Variants in DYSF observed in about 807,000 individuals in gnomAD.
DYSF encodes dystrophy-associated fer-1-like 1.
In DYSF, 212 loss-of-function variants were observed where a neutral mutation model predicts 274.9. That is an observed-to-expected ratio of 0.77 (90% CI 0.69 to 0.86). DYSF has a LOEUF of 0.86. Among genes scored for constraint, DYSF ranks in the 40% least tolerant of loss-of-function variants. DYSF has a pLI of 0.00. For synonymous variants in DYSF, 1,091 were observed against 1,078.7 expected (o/e 1.01, Z -0.22); for missense variants, 2,666 against 2,783.2 (o/e 0.96, Z 0.95).
chr2:71,566,577 G>C (rs184545350), intron 24 of DYSF, among the ~76,000 whole-genome samples: 51 of 152,016 alleles, frequency 3.4e-4, no homozygotes, highest in African/African-American at 1.2e-3. Flanking sequence ...TTTATTTGCT[G>C]TTGCTATTTT....
chr2:71,516,187 T>A lies in DYSF; in HGVS notation c.896T>A (p.Phe299Tyr). Residue 299 changes from phenylalanine (F) to tyrosine (Y), a missense_variant, in exon 9 of 56, where the codon TTC (phenylalanine) becomes TAC (tyrosine). Phe to Tyr is a conservative substitution (Grantham distance 22). This residue lies in a region of DYSF where 794 missense variants were observed against 777.1 expected (regional missense o/e 1.02). Transcript: ENST00000410020. Reference protein sequence around the residue: ...GNSPLFNETLFFNLFDSPGEL... With the variant: ...GNSPLFNETLYFNLFDSPGEL... ...TTTGCTCTGAACCAACAGACTCTTT[T>A]CTTCAACTTGTTTGACTCTCCTGGG... The A allele has an allele frequency of 6.2e-7, 1 of 1,614,200 alleles. No individual in the cohort carries two copies. Among genetic ancestry groups the A allele is most frequent in the Non-Finnish European group, 8.5e-7 (1 of 1,180,028 alleles).
intron 32 of DYSF, among the ~76,000 whole-genome samples, chr2:71,595,329 C>T (rs2093376276): frequency 6.6e-6 from 1 of 152,196 alleles, no homozygotes; most frequent in Non-Finnish European, 1.5e-5. Context: ...CCCACCCTCT[C>T]TGAAGGGCCC....
intron 40 of DYSF, among the ~76,000 whole-genome samples, chr2:71,619,520 T>C (rs1261551763): frequency 6.6e-6 from 1 of 152,122 alleles, no homozygotes; most frequent in Non-Finnish European, 1.5e-5. Flanking sequence ...AGGATCTTCC[T>C]GTTGAGGAAG....
intron 34 of DYSF, 73 bp downstream of exon 34, chr2:71,600,915 C>T: frequency 6.3e-7 from 1 of 1,591,810 alleles, no homozygotes; most frequent in Non-Finnish European, 8.5e-7. Flanking sequence ...CTGTGGGAGC[C>T]TGGAACACCT....
intron 40 of DYSF, among the ~76,000 whole-genome samples, chr2:71,618,632 T>C (rs796489108): frequency 9.4e-6 from 1 of 106,584 alleles, no homozygotes; most frequent in African/African-American, 3.2e-5. Context: ...GGTGTGTGTG[T>C]TACAGGAGGT....
rs770860759 is a variant in DYSF, at chr2:71,561,756, C to T, written c.2221C>T (p.Pro741Ser). 3 of 1,614,154 alleles carry T rather than the reference C, an allele frequency of 1.9e-6. No individual in the cohort carries two copies. In the Admixed American group the frequency reaches 5.0e-5, roughly 27 times the overall value. ...TDELIAGCSQ[P>S]LGDIHETPSA... The stretch of plus-strand genomic sequence containing the variant: ...CCATCTGTCCGTCCCTCACAGCCAG[C>T]CTCTGGGTGACATCCATGAGACACC... The change falls in exon 23 of 56, where the codon CCT (proline) becomes TCT (serine). Residue 741 changes from proline (P) to serine (S), a missense_variant. By Grantham distance (74) the Pro-to-Ser change is moderately conservative (BLOSUM62 -1). Around this residue, in one of 3 missense-constraint regions of DYSF, gnomAD observed 412 missense variants for 504.0 expected, o/e 0.82. Coordinates refer to ENST00000410020, the MANE Select transcript of DYSF (RefSeq NM_001130987.2).
At chr2:71,666,845 T>G (rs867198699) in intron 47 of DYSF, among the ~76,000 whole-genome samples, 4 of 152,224 alleles carry the variant, frequency 2.6e-5, no homozygotes, top group Non-Finnish European at 5.9e-5. Context: ...GCTTCTAGGA[T>G]CCTCATGAAG....
intron 39 of DYSF, 43 bp downstream of exon 39, chr2:71,612,849 C>G (rs767549719): frequency 1.9e-6 from 3 of 1,587,978 alleles, no homozygotes; most frequent in African/African-American, 2.7e-5. Context: ...GAAGGGGGAG[C>G]CTCAGGGCCA....
Position 71,539,765 on chromosome 2 carries a change from T to C in DYSF, c.1576+526T>C, listed in dbSNP as rs372767946. ...TATATGTCTGTACATGCATGGAAGA[T>C]GTGTGTATTTAATACATGGGTATGT... is the stretch of plus-strand genomic sequence containing the variant. On this transcript the variant is annotated intron_variant, in intron 17 of 55. Coordinates refer to ENST00000410020, the MANE Select transcript of DYSF (RefSeq NM_001130987.2). 3.3e-5 allele frequency among the ~76,000 whole-genome samples: 5 copies of C among 152,334 alleles called. No homozygotes were observed. In the East Asian group the frequency reaches 5.8e-4, roughly 18 times the overall value.
Position 71,574,351 on chromosome 2 carries a change from T to C in DYSF, c.3382T>C (p.Phe1128Leu), listed in dbSNP as rs2092629443. 6.2e-7 allele frequency: 1 copy of C among 1,613,758 alleles called. No homozygotes were observed. The highest frequency in any genetic ancestry group is 8.5e-7 in the Non-Finnish European group (1 of 1,179,832). Residue 1128 changes from phenylalanine to leucine, a missense_variant, in exon 30 of 56, where the codon TTT (phenylalanine) becomes CTT (leucine). This residue lies in a region of DYSF where 1,460 missense variants were observed against 1,502.1 expected (regional missense o/e 0.97). Transcript: ENST00000410020. ...PLEKTGPAAV[F>L]ALEGALGGVM... The stretch of plus-strand genomic sequence containing the variant: ...GGAGAAGACGGGGCCTGCAGCTGTG[T>C]TTGCCCTTGAGGGGGCCCTGGTATG...
chr2:71,501,042 G>A (rs1045035192), intron 3 of DYSF, among the ~76,000 whole-genome samples: 2 of 152,056 alleles, frequency 1.3e-5, no homozygotes, highest in East Asian at 1.9e-4. Flanking sequence ...ATACTGACGG[G>A]TGCCTTCTGG....
At chr2:71,550,648 G>A (rs1426535083) in intron 17 of DYSF, among the ~76,000 whole-genome samples, 2 of 152,166 alleles carry the variant, frequency 1.3e-5, no homozygotes, top group South Asian at 4.1e-4. Context: ...GCTGGGGGTG[G>A]GGCTGGGGAG....
intron 7 of DYSF, 89 bp downstream of exon 7, chr2:71,514,010 G>A: frequency 6.7e-7 from 1 of 1,495,230 alleles, no homozygotes; most frequent in Non-Finnish European, 9.2e-7. Flanking sequence ...CAGCTTCAGG[G>A]GAAGATGTGT....
At chr2:71,572,283 C>G (rs2092536889) in intron 29 of DYSF, among the ~76,000 whole-genome samples, 1 of 145,790 alleles carries the variant, frequency 6.9e-6, no homozygotes, top group East Asian at 2.0e-4. Context: ...ACAGATCACA[C>G]CTAGCACACC....
intron 45 of DYSF, among the ~76,000 whole-genome samples, chr2:71,664,019 G>T (rs78324663): frequency 6.6e-6 from 1 of 152,142 alleles, no homozygotes; most frequent in Non-Finnish European, 1.5e-5. Context: ...TCATTCTTTC[G>T]GTCTGTGGTC....
chr2:71,519,099 A>AAAG (rs2086962183), intron 10 of DYSF, among the ~76,000 whole-genome samples: 3 of 123,608 alleles, frequency 2.4e-5, no homozygotes, highest in African/African-American at 3.1e-5. Flanking sequence ...TCTCAAAAAA[A>AAAG]AAAAAAAAAA....
rs2093424314 is a variant in DYSF, at chr2:71,597,068, CT to C, written c.3575-1494del. On this transcript the variant is annotated intron_variant, in intron 32 of 55. Transcript: ENST00000410020. ...CAGTGGCCATGGTGTCCCATTTGGT[CT>C]TCTTGTGGCCAGGGAGCCTGTCTTG... 2.0e-5 allele frequency among the ~76,000 whole-genome samples: 3 copies of C among 152,180 alleles called. No individual in the cohort carries two copies. In the South Asian group the frequency reaches 6.2e-4, roughly 32 times the overall value.
chr2:71,516,616 G>C (rs11898708), intron 9 of DYSF, among the ~76,000 whole-genome samples: 18,696 of 152,228 alleles, frequency 0.12, 1,198 homozygotes, highest in Non-Finnish European at 0.14. Flanking sequence ...GTTAATCCAC[G>C]TGCCTGCTTC....
intron 40 of DYSF, among the ~76,000 whole-genome samples, 172 bp downstream of exon 40, chr2:71,613,582 CT>C (rs1274164863): frequency 6.6e-6 from 1 of 152,142 alleles, no homozygotes; most frequent in East Asian, 1.9e-4. Context: ...AGCTTTCAGT[CT>C]GGCTGAGGGG....
Sources: allele counts gnomAD v4.1 joint callset (sites outside exome capture counted in the v4.1 genomes callset), GRCh38; gene constraint gnomAD v4.1.1; regional missense constraint gnomAD v4.1.1; transcripts MANE v1.5; gene names NCBI Gene and HGNC (gene_info 2026-07-23, HGNC 2026-07-21).